The following TMX4 variants were observed in gnomAD, a reference collection of about 807,000 sequenced individuals.
TMX4 encodes the protein thioredoxin-related transmembrane protein 4.
A neutral mutation model predicts 33.3 loss-of-function variants in TMX4; 23 were observed. The ratio of observed to expected loss-of-function variants is 0.69; its 90% CI spans 0.50 to 0.98. The LOEUF (loss-of-function observed/expected upper bound fraction) is 0.98, where lower values mean the gene tolerates loss of function less well. Ranked by LOEUF, TMX4 falls within the 50% of genes least tolerant of loss-of-function variation. TMX4 has a pLI of 0.00. For missense variants in TMX4, 399 were observed against 448.9 expected (o/e 0.89, Z 1.01); for synonymous variants, 164 against 161.5 (o/e 1.02, Z -0.12).
rs2050589028 is a variant in TMX4, at chr20:7,978,262, ACT to A, written c.*3987_*3988del. 2.0e-5 allele frequency: 3 copies of A among 152,206 alleles called. No individual in the cohort carries two copies. The highest frequency in any genetic ancestry group is 4.4e-5 in the Non-Finnish European group (3 of 68,036). 9.4% of individuals were successfully genotyped at this position (152,206 alleles called of 1,614,324 possible). On this transcript the variant is annotated 3_prime_UTR_variant, in exon 8 of 8. Coordinates refer to ENST00000246024, the MANE Select transcript of TMX4 (RefSeq NM_021156.4). ...CTCCCTCTTCTTTCTCTCACTTCAT[ACT>A]AAAGATTTTATGCTGAAATCTCAGG... is the stretch of plus-strand genomic sequence containing the variant.
chr20:8,002,410 A>G (rs2050711300), intron 2 of TMX4, among the ~76,000 whole-genome samples: 1 of 152,200 alleles, frequency 6.6e-6, no homozygotes, highest in African/African-American at 2.4e-5. Flanking sequence ...TATTTAAAAA[A>G]AGGGTAGGTA....
chr20:8,003,319 A>C (rs2050715057), intron 2 of TMX4, among the ~76,000 whole-genome samples: 1 of 152,148 alleles, frequency 6.6e-6, no homozygotes, highest in South Asian at 2.1e-4. Flanking sequence ...GAAGAAATTA[A>C]ATAGTATCTC....
intron 1 of TMX4, among the ~76,000 whole-genome samples, chr20:8,014,105 C>A (rs1397965348): frequency 6.6e-6 from 1 of 152,204 alleles, no homozygotes. Flanking sequence ...AAATTTATTT[C>A]TTTGGACAAT....
chr20:8,008,396 C>T (rs942620297), intron 2 of TMX4, among the ~76,000 whole-genome samples: 1 of 151,986 alleles, frequency 6.6e-6, no homozygotes, highest in African/African-American at 2.4e-5. Flanking sequence ...TTCAGATATA[C>T]ATAAAACCAA....
intron 5 of TMX4, among the ~76,000 whole-genome samples, chr20:7,987,761 T>A (rs2122854804): frequency 6.6e-6 from 1 of 152,306 alleles, no homozygotes; most frequent in African/African-American, 2.4e-5. Context: ...GGCCTCTGAC[T>A]TTTTAGTAAA....
chr20:7,982,550 A>C lies in TMX4; in HGVS notation c.751T>G (p.Ser251Ala), dbSNP rs763846489. ...LQDAEEEKDD[S>A]NEEENKDSLV... ...CTGTCTTTGTTTTCTTCTTCATTTG[A>C]ATCATCTTTTTCCTCCTCCGCATCC... Residue 251 changes from serine to alanine, a missense_variant, in exon 8 of 8, where the codon TCA becomes GCA. Physicochemically the swap from Ser to Ala is moderately conservative, Grantham distance 99. Transcript: ENST00000246024. 22 of 1,613,626 alleles carry C rather than the reference A, an allele frequency of 1.4e-5. No individual in the cohort carries two copies. The highest frequency in any genetic ancestry group is 1.8e-5 in the Non-Finnish European group (21 of 1,179,924).
At chr20:8,002,107 T>C (rs572298645) in intron 2 of TMX4, among the ~76,000 whole-genome samples, 1 of 152,362 alleles carries the variant, frequency 6.6e-6, no homozygotes, top group African/African-American at 2.4e-5. Flanking sequence ...AGGGAATATA[T>C]GTATGTGAAA....
At chr20:8,005,265 A>G (rs556682466) in intron 2 of TMX4, among the ~76,000 whole-genome samples, 1 of 152,332 alleles carries the variant, frequency 6.6e-6, no homozygotes, top group African/African-American at 2.4e-5. Flanking sequence ...ATGGAACAGA[A>G]GGTTCAAGTA....
chr20:8,005,266 G>C (rs1395941649), intron 2 of TMX4, among the ~76,000 whole-genome samples: 2 of 152,132 alleles, frequency 1.3e-5, no homozygotes, highest in East Asian at 3.9e-4. Flanking sequence ...TGGAACAGAA[G>C]GTTCAAGTAT....
chr20:7,998,685 T>G (rs1014887341), intron 4 of TMX4, among the ~76,000 whole-genome samples: 5 of 152,184 alleles, frequency 3.3e-5, no homozygotes, highest in African/African-American at 1.2e-4. Flanking sequence ...TACACCAAGC[T>G]CCTTTCCAAA....
At chr20:8,018,404 GGGA>G (rs2050788274) in intron 1 of TMX4, among the ~76,000 whole-genome samples, 1 of 57,348 alleles carries the variant, frequency 1.7e-5, no homozygotes, top group Non-Finnish European at 3.1e-5. Flanking sequence ...GAGGGAGGGA[GGGA>G]GAGAGAGAGA....
At chr20:7,986,839 C>G (rs2050632835) in intron 6 of TMX4, among the ~76,000 whole-genome samples, 1 of 151,996 alleles carries the variant, frequency 6.6e-6, no homozygotes, top group East Asian at 1.9e-4. Context: ...TATGCATAAG[C>G]GGCTAGTCAG....
intron 4 of TMX4, among the ~76,000 whole-genome samples, chr20:7,998,592 G>A (rs998472599): frequency 1.3e-5 from 2 of 152,034 alleles, no homozygotes; most frequent in Non-Finnish European, 2.9e-5. Context: ...TGCATGACCT[G>A]GCTTCAGCCT....
At chr20:7,989,188 C>T (rs547483286) in intron 5 of TMX4, among the ~76,000 whole-genome samples, 61 of 151,990 alleles carry the variant, frequency 4.0e-4, no homozygotes, top group African/African-American at 1.4e-3. Context: ...ATGCTTTTCT[C>T]GGAGGACTCA....
At chr20:8,018,481 G>A (rs375131830) in intron 1 of TMX4, among the ~76,000 whole-genome samples, 64 of 13,702 alleles carry the variant, frequency 4.7e-3, no homozygotes, top group East Asian at 6.6e-3. Flanking sequence ...GGAGGGAGGG[G>A]GAGAGAGAGA....
chr20:7,979,800 C>G lies in TMX4; in HGVS notation c.*2451G>C, dbSNP rs2050597500. 6.6e-6 allele frequency: 1 copy of G among 151,386 alleles called. No homozygotes were observed. Among genetic ancestry groups the G allele is most frequent in the Admixed American group, 6.6e-5 (1 of 15,180 alleles). 9.4% of individuals were successfully genotyped at this position (151,386 alleles called of 1,614,324 possible). A position where few individuals can be genotyped will look rare whatever the true frequency, so the allele number is the denominator to read the frequency against. ...TATAATTAGATATAGGTCAAATATC[C>G]CTTATCCAAAATGTGTGGGACCAGA... On this transcript the variant is annotated 3_prime_UTR_variant, in exon 8 of 8. Coordinates refer to ENST00000246024, the MANE Select transcript of TMX4 (RefSeq NM_021156.4).
chr20:8,018,204 T>C (rs1011350773), intron 1 of TMX4, among the ~76,000 whole-genome samples: 3 of 122,980 alleles, frequency 2.4e-5, no homozygotes, highest in African/African-American at 9.7e-5. Context: ...AGTATACAGA[T>C]TGCCAGAAAC....
chr20:8,017,269 C>T (rs1220405588), intron 1 of TMX4, among the ~76,000 whole-genome samples: 1 of 152,088 alleles, frequency 6.6e-6, no homozygotes, highest in African/African-American at 2.4e-5. Context: ...AGCCTTGCTT[C>T]CTAGCCACCT....
At chr20:8,001,912 A>G (rs2050709117) in intron 2 of TMX4, among the ~76,000 whole-genome samples, 1 of 152,178 alleles carries the variant, frequency 6.6e-6, no homozygotes, top group African/African-American at 2.4e-5. Flanking sequence ...AGCCTAACTT[A>G]ATGGTTCTAA....
Sources: gnomAD v4.1 joint callset for allele counts (sites outside exome capture counted in the v4.1 genomes callset) on GRCh38, gnomAD v4.1.1 for gene constraint, MANE v1.5 for transcripts, NCBI Gene and HGNC (gene_info 2026-07-23, HGNC 2026-07-21) for gene names.